The following EMC2 variants were observed in gnomAD, a reference collection of about 807,000 sequenced individuals.
EMC2 encodes the protein TPR repeat protein 35.
Under a neutral mutation model 51.6 loss-of-function variants are expected in EMC2, and 37 were observed. The observed-to-expected ratio is 0.72, with a 90% CI of 0.55 to 0.94. EMC2 has a LOEUF of 0.94. Ranked by LOEUF, EMC2 falls within the 40% of genes least tolerant of loss-of-function variation. The pLI is 0.00. For missense variants in EMC2, 359 were observed against 350.9 expected (o/e 1.02, Z -0.18); for synonymous variants, 131 against 112.4 (o/e 1.17, Z -1.04).
chr8:108,488,473 T>G lies in EMC2; in HGVS notation c.*1875T>G, dbSNP rs1226951092. Among the ~76,000 whole-genome samples the G allele has an allele frequency of 6.6e-6, 1 of 152,188 alleles. No homozygotes were observed. Among genetic ancestry groups the G allele is most frequent in the Non-Finnish European group, 1.5e-5 (1 of 68,028 alleles). Reference sequence around the variant, plus strand: ...CTGAGCCTGGCCAGTATCACTTTATTTTTTCAAAATTTTAATAACTTCTTT... The same window carrying G: ...CTGAGCCTGGCCAGTATCACTTTATGTTTTCAAAATTTTAATAACTTCTTT... On this transcript the variant is annotated 3_prime_UTR_variant, in exon 11 of 11. Transcript: ENST00000220853.
chr8:108,452,281 G>A (rs529735856), intron 3 of EMC2, among the ~76,000 whole-genome samples: 1 of 152,222 alleles, frequency 6.6e-6, no homozygotes, highest in East Asian at 1.9e-4. Context: ...AAGGATGATT[G>A]ATTGGCTGGG....
intron 10 of EMC2, among the ~76,000 whole-genome samples, chr8:108,482,942 A>C (rs1412639202): frequency 6.6e-6 from 1 of 151,962 alleles, no homozygotes; most frequent in Non-Finnish European, 1.5e-5. Flanking sequence ...CCCCATATGG[A>C]TATCCAGTGT....
chr8:108,463,340 G>C (rs1277066936), intron 5 of EMC2, among the ~76,000 whole-genome samples: 1 of 152,142 alleles, frequency 6.6e-6, no homozygotes, highest in African/African-American at 2.4e-5. Context: ...AGGGGACTGG[G>C]CTACTGTCAG....
intron 3 of EMC2, among the ~76,000 whole-genome samples, chr8:108,452,367 G>C (rs369702408): frequency 2.0e-5 from 3 of 152,120 alleles, no homozygotes; most frequent in Non-Finnish European, 2.9e-5. Context: ...AGGAGTTCGC[G>C]ACCAGGCTGG....
chr8:108,466,712 C>T (rs1819476621), intron 5 of EMC2, among the ~76,000 whole-genome samples: 1 of 152,070 alleles, frequency 6.6e-6, no homozygotes, highest in African/African-American at 2.4e-5. Flanking sequence ...CTTTGGCCTT[C>T]CAAAGTGTTG....
chr8:108,458,344 G>T (rs1586180439), intron 5 of EMC2, among the ~76,000 whole-genome samples: 1 of 152,156 alleles, frequency 6.6e-6, no homozygotes, highest in Admixed American at 6.5e-5. Flanking sequence ...GCCCTAGTAG[G>T]GACTCTTGTG....
At chr8:108,457,302 G>T (rs1819189392) in intron 5 of EMC2, among the ~76,000 whole-genome samples, 1 of 151,116 alleles carries the variant, frequency 6.6e-6, no homozygotes, top group Non-Finnish European at 1.5e-5. Flanking sequence ...GGGTGTGTGG[G>T]GGTTTGTGTA....
intron 10 of EMC2, among the ~76,000 whole-genome samples, chr8:108,481,024 C>A (rs1811035676): frequency 6.6e-6 from 1 of 152,040 alleles, no homozygotes; most frequent in Admixed American, 6.6e-5. Flanking sequence ...AGGTTGTCCT[C>A]TATTACTTTC....
At chr8:108,469,701 T>G in intron 5 of EMC2, 125 bp from the exon 6 acceptor site, 1 of 716,150 alleles carries the variant, frequency 1.4e-6, no homozygotes, top group Non-Finnish European at 2.4e-6. Context: ...AAACTCCCAC[T>G]AAGCAGTAGT....
intron 9 of EMC2, 64 bp from the exon 10 acceptor site, chr8:108,478,942 T>G: frequency 1.3e-6 from 1 of 785,100 alleles, no homozygotes; most frequent in Non-Finnish European, 2.0e-6. Context: ...ATGTCCCTTA[T>G]GTTTTTGATT....
At chr8:108,477,620 A>G (rs778339562) in intron 9 of EMC2, among the ~76,000 whole-genome samples, 5 of 152,072 alleles carry the variant, frequency 3.3e-5, no homozygotes, top group African/African-American at 7.2e-5. Context: ...AAATGAAACA[A>G]TTTTTAAAAA....
chr8:108,458,909 TC>T (rs1819235670), intron 5 of EMC2, among the ~76,000 whole-genome samples: 1 of 152,218 alleles, frequency 6.6e-6, no homozygotes, highest in Non-Finnish European at 1.5e-5. Flanking sequence ...TTGCCCTGTT[TC>T]CCTTGTAAAA....
intron 5 of EMC2, among the ~76,000 whole-genome samples, chr8:108,468,219 C>G (rs1217779494): frequency 6.6e-6 from 1 of 152,108 alleles, no homozygotes; most frequent in African/African-American, 2.4e-5. Flanking sequence ...GGACAATGCT[C>G]CCATTTTAAG....
intron 5 of EMC2, chr8:108,464,131 G>A (rs1819404951): frequency 1.3e-5 from 2 of 152,240 alleles, no homozygotes; most frequent in South Asian, 4.1e-4. Context: ...CACGCCTTGA[G>A]GGTAAGATGC....
chr8:108,466,149 A>G (rs1007437360), intron 5 of EMC2, among the ~76,000 whole-genome samples: 1 of 152,178 alleles, frequency 6.6e-6, no homozygotes, highest in African/African-American at 2.4e-5. Context: ...GACTTGCCCA[A>G]GATCTTACAG....
Position 108,479,061 on chromosome 8 carries a change from A to G in EMC2, c.758A>G (p.Asn253Ser), listed in dbSNP as rs1412184493. Residue 253 changes from asparagine to serine, a missense_variant, in exon 10 of 11, where the codon AAC becomes AGC. Coordinates refer to ENST00000220853, the MANE Select transcript of EMC2 (RefSeq NM_014673.5). Reference sequence around the variant, plus strand: ...GCAAGTGCAAAAACGAAAAAGGACAACATGAAATATGCTAGTTGGGCAGCT... The same window carrying G: ...GCAAGTGCAAAAACGAAAAAGGACAGCATGAAATATGCTAGTTGGGCAGCT... ...PKASAKTKKD[N>S]MKYASWAASQ... 2 of 1,592,536 alleles carry G rather than the reference A, an allele frequency of 1.3e-6. No homozygotes were observed. Among genetic ancestry groups the G allele is most frequent in the Admixed American group, 3.5e-5 (2 of 57,310 alleles).
intron 9 of EMC2, among the ~76,000 whole-genome samples, chr8:108,478,177 T>G (rs1189631826): frequency 1.3e-5 from 2 of 152,032 alleles, no homozygotes; most frequent in East Asian, 3.8e-4. Flanking sequence ...AGGCTTAACC[T>G]TTTTTTGAAT....
chr8:108,484,865 TA>T, intron 10 of EMC2, among the ~76,000 whole-genome samples: 1 of 152,148 alleles, frequency 6.6e-6, no homozygotes, highest in South Asian at 2.1e-4. Flanking sequence ...GGGGAAATTA[TA>T]AAAAGACAAA....
intron 10 of EMC2, among the ~76,000 whole-genome samples, chr8:108,481,484 G>T (rs577854953): frequency 2.0e-5 from 3 of 151,782 alleles, no homozygotes; most frequent in Non-Finnish European, 4.4e-5. Context: ...AAAGATTTGT[G>T]TAATATAAAA....
Sources: allele counts gnomAD v4.1 joint callset (sites outside exome capture counted in the v4.1 genomes callset), GRCh38; gene constraint gnomAD v4.1.1; transcripts MANE v1.5; gene names NCBI Gene and HGNC (gene_info 2026-07-23, HGNC 2026-07-21).